SNX29: variants seen among roughly 807,000 people sequenced by gnomAD.
The protein encoded by SNX29 is sorting nexin 29.
Under a neutral mutation model 102.1 loss-of-function variants are expected in SNX29, and 78 were observed. The ratio of observed to expected loss-of-function variants is 0.76; its 90% CI spans 0.64 to 0.92. The LOEUF is 0.92. Among genes scored for constraint, SNX29 ranks in the 40% least tolerant of loss-of-function variants. The probability of loss-of-function intolerance (pLI) is 0.00; values close to 1 mark genes in which losing one functional copy is unlikely to be tolerated. For synonymous variants in SNX29, 580 were observed against 414.5 expected (o/e 1.40, Z -4.85); for missense variants, 1,280 against 1,061.7 (o/e 1.21, Z -2.86).
At chr16:12,132,984 A>T (rs2054523330) in intron 13 of SNX29, among the ~76,000 whole-genome samples, 1 of 152,208 alleles carries the variant, frequency 6.6e-6, no homozygotes. Context: ...GTTGGCTGAC[A>T]GTGGCTTGCT....
chr16:12,158,837 T>C (rs2055663828), intron 13 of SNX29, among the ~76,000 whole-genome samples: 1 of 152,226 alleles, frequency 6.6e-6, no homozygotes, highest in Non-Finnish European at 1.5e-5. Flanking sequence ...AACCCTTAGC[T>C]CAGTGCTTGT....
intron 3 of SNX29, among the ~76,000 whole-genome samples, chr16:12,004,328 A>C (rs2056385810): frequency 6.6e-6 from 1 of 151,864 alleles, no homozygotes. Flanking sequence ...GCGACAGAGC[A>C]AGATTCCATC....
intron 18 of SNX29, among the ~76,000 whole-genome samples, chr16:12,416,233 C>T (rs1042661263): frequency 6.6e-6 from 1 of 152,058 alleles, no homozygotes; most frequent in Admixed American, 6.5e-5. Context: ...TTAAACTGCC[C>T]CTCAAATGCA....
intron 14 of SNX29, among the ~76,000 whole-genome samples, chr16:12,247,963 G>A (rs1209487416): frequency 6.6e-6 from 1 of 152,058 alleles, no homozygotes; most frequent in South Asian, 2.1e-4. Flanking sequence ...ACAAGGGCAG[G>A]GCTGACCCCT....
Position 12,522,904 on chromosome 16 carries a change from G to A in SNX29, c.2179-1798G>A, listed in dbSNP as rs1003088885. On this transcript the variant is annotated intron_variant, in intron 19 of 20. Transcript: ENST00000566228. ...TAGTGCACCGTGCACTCTACCTCTC[G>A]GGCTTAAGCAGTCCTCCTGCTGCAG... 5.3e-5 allele frequency among the ~76,000 whole-genome samples: 8 copies of A among 152,086 alleles called. No homozygotes were observed. The East Asian group carries it at 7.7e-4, about 15-fold the overall frequency.
At chr16:12,438,460 C>G (rs544500956) in intron 18 of SNX29, among the ~76,000 whole-genome samples, 1 of 152,330 alleles carries the variant, frequency 6.6e-6, no homozygotes, top group East Asian at 1.9e-4. Flanking sequence ...CCCCTTTACT[C>G]TGGCAGACCC....
intron 15 of SNX29, among the ~76,000 whole-genome samples, chr16:12,310,650 A>T (rs2080508964): frequency 6.6e-6 from 1 of 152,230 alleles, no homozygotes; most frequent in African/African-American, 2.4e-5. Flanking sequence ...GGGTGGCATT[A>T]CCAGGAGTCT....
intron 13 of SNX29, among the ~76,000 whole-genome samples, chr16:12,156,437 C>T (rs779418637): frequency 6.6e-6 from 1 of 152,234 alleles, no homozygotes; most frequent in Non-Finnish European, 1.5e-5. Flanking sequence ...TCCCAAAGTA[C>T]TGGGATTACA....
At chr16:12,416,638 G>A (rs1208016347) in intron 18 of SNX29, among the ~76,000 whole-genome samples, 1 of 152,204 alleles carries the variant, frequency 6.6e-6, no homozygotes, top group African/African-American at 2.4e-5. Context: ...AAGAAGCATG[G>A]TGTCAGCATC....
rs373779044 is a variant in SNX29, at chr16:12,533,506, A to G, written c.2318+8665A>G. On this transcript the variant is annotated intron_variant, in intron 20 of 20. Coordinates refer to ENST00000566228, the MANE Select transcript of SNX29 (RefSeq NM_032167.5). ...GGTTCCTGGACAGACTTGTCACATC[A>G]GAGAGCAGCCCGTCAGCCACTGCAG... Among the ~76,000 whole-genome samples, 104 of 152,306 alleles carry G rather than the reference A, an allele frequency of 6.8e-4. 1 individual carries two copies. Among genetic ancestry groups the G allele is most frequent in the African/African-American group, 2.4e-3 (99 of 41,552 alleles).
At chr16:12,394,542 G>A (rs1299543529) in intron 16 of SNX29, among the ~76,000 whole-genome samples, 1 of 152,178 alleles carries the variant, frequency 6.6e-6, no homozygotes, top group South Asian at 2.1e-4. Flanking sequence ...TGGGCCGACT[G>A]GGCTCAGCTG....
intron 14 of SNX29, among the ~76,000 whole-genome samples, chr16:12,250,717 C>G (rs557782231): frequency 6.3e-4 from 96 of 152,314 alleles, no homozygotes; most frequent in African/African-American, 2.2e-3. Context: ...GTTGTAACTG[C>G]CCCATGTGTG....
intron 14 of SNX29, among the ~76,000 whole-genome samples, chr16:12,226,767 C>T (rs533941810): frequency 4.6e-5 from 7 of 151,980 alleles, no homozygotes; most frequent in South Asian, 4.2e-4. Flanking sequence ...TTAGTAGAGA[C>T]GGGTTTCACT....
At chr16:12,334,888 T>A (rs1349984151) in intron 15 of SNX29, among the ~76,000 whole-genome samples, 1 of 123,078 alleles carries the variant, frequency 8.1e-6, no homozygotes, top group Non-Finnish European at 1.7e-5. Context: ...CTTTAAGTTA[T>A]CAGCCCCAGA....
chr16:12,441,626 G>A (rs566277012), intron 18 of SNX29, among the ~76,000 whole-genome samples: 4 of 152,058 alleles, frequency 2.6e-5, no homozygotes, highest in South Asian at 4.2e-4. Context: ...TTTTAATGTC[G>A]GTAAAGTCCA....
At chr16:12,559,734 A>C (rs1180548636) in intron 20 of SNX29, among the ~76,000 whole-genome samples, 2 of 152,072 alleles carry the variant, frequency 1.3e-5, no homozygotes, top group African/African-American at 4.8e-5. Context: ...GAAATAGATG[A>C]AATAGTGATG....
At chr16:12,377,718 C>G (rs78965565) in intron 16 of SNX29, among the ~76,000 whole-genome samples, 4,270 of 152,162 alleles carry the variant, frequency 0.028, 196 homozygotes, top group African/African-American at 0.096. Flanking sequence ...AAGCTTATCT[C>G]GGGCCTGCAG....
chr16:12,195,603 T>G (rs2076753238), intron 13 of SNX29, among the ~76,000 whole-genome samples: 1 of 152,216 alleles, frequency 6.6e-6, no homozygotes, highest in African/African-American at 2.4e-5. Flanking sequence ...GCAGGAGTCT[T>G]AACCGCCCAA....
In SNX29 at chr16:12,561,337, G is replaced by T. The variant is rs188824190; in HGVS notation, c.2319-7169G>T. Among the ~76,000 whole-genome samples, 11 of 152,200 alleles carry T rather than the reference G, an allele frequency of 7.2e-5. 1 individual carries two copies. In the East Asian group the frequency reaches 9.7e-4, roughly 13 times the overall value. ...GGAGGCAGAACTGGGTTTTCAAAGT[G>T]GTGAGACTCACAGACTTATGAGGGA... On this transcript the variant is annotated intron_variant, in intron 20 of 20. Coordinates refer to ENST00000566228, the MANE Select transcript of SNX29 (RefSeq NM_032167.5).
Sources: gnomAD v4.1 joint callset for allele counts (sites outside exome capture counted in the v4.1 genomes callset) on GRCh38, gnomAD v4.1.1 for gene constraint, MANE v1.5 for transcripts, NCBI Gene and HGNC (gene_info 2026-07-23, HGNC 2026-07-21) for gene names.